Variants in BRINP1 observed in about 807,000 individuals in gnomAD.
BRINP1 encodes BMP/retinoic acid inducible neural specific 1.
BRINP1 carries 17 observed loss-of-function variants against 72.9 expected under a neutral mutation model. The ratio of observed to expected loss-of-function variants is 0.23; its 90% confidence interval spans 0.16 to 0.35. The LOEUF is 0.35. BRINP1 is among the 10% of genes least tolerant of loss of function. The pLI is 1.00. For synonymous variants in BRINP1, 418 were observed against 378.5 expected, an observed-to-expected ratio of 1.10 and a Z score of -1.21; for missense variants, 850 against 1,001.6, an observed-to-expected ratio of 0.85 and a Z score of 2.04.
At chr9:119,256,344 C>T (rs192975606) in intron 2 of BRINP1, among the ~76,000 whole-genome samples, 2 of 152,264 alleles carry the variant, frequency 1.3e-5, no homozygotes, top group Admixed American at 6.5e-5. Flanking sequence ...AGGGAAAGGA[C>T]ACAATCATGC....
chr9:119,168,971 C>A (rs988722764), intron 7 of BRINP1, among the ~76,000 whole-genome samples: 1 of 152,148 alleles, frequency 6.6e-6, no homozygotes, highest in Non-Finnish European at 1.5e-5. Context: ...ACCCAGCAAT[C>A]CCATTATTGG....
chr9:119,251,670 C>T (rs890108024), intron 2 of BRINP1, among the ~76,000 whole-genome samples: 2 of 60,450 alleles, frequency 3.3e-5, no homozygotes, highest in Non-Finnish European at 8.4e-5. Context: ...ATACAGAAAA[C>T]ATTGAGAAGG....
At chr9:119,187,081 C>T (rs573709109) in intron 7 of BRINP1, among the ~76,000 whole-genome samples, 1 of 152,024 alleles carries the variant, frequency 6.6e-6, no homozygotes, top group Non-Finnish European at 1.5e-5. Context: ...ACATCGCTGC[C>T]ATCTGGGCCT....
chr9:119,217,387 T>C (rs1286957757), intron 5 of BRINP1, among the ~76,000 whole-genome samples: 2 of 150,078 alleles, frequency 1.3e-5, no homozygotes, highest in East Asian at 4.0e-4. Flanking sequence ...ACTGAGAAAA[T>C]GAGAGAGAAA....
intron 1 of BRINP1, among the ~76,000 whole-genome samples, chr9:119,325,428 C>T (rs760844530): frequency 6.6e-6 from 1 of 152,176 alleles, no homozygotes; most frequent in Non-Finnish European, 1.5e-5. Flanking sequence ...GCCACTGCTG[C>T]CACAACCATT....
intron 7 of BRINP1, among the ~76,000 whole-genome samples, chr9:119,182,750 G>A (rs183015869): frequency 4.6e-5 from 7 of 152,294 alleles, no homozygotes; most frequent in Admixed American, 3.3e-4. Context: ...GTGCTCCTCA[G>A]TCTTTGTTAT....
At chr9:119,283,071 TAGAAAGAGGA>T in intron 2 of BRINP1, 2 of 985,354 alleles carry the variant, frequency 2.0e-6, no homozygotes, top group South Asian at 9.4e-5. Context: ...TACGGAGAGG[TAGAAAGAGGA>T]CCAGACTAGC....
At chr9:119,326,822 C>T (rs775497371) in intron 1 of BRINP1, among the ~76,000 whole-genome samples, 1 of 152,152 alleles carries the variant, frequency 6.6e-6, no homozygotes, top group Non-Finnish European at 1.5e-5. Context: ...AGACAGGATA[C>T]GTCCAGGGTT....
intron 2 of BRINP1, among the ~76,000 whole-genome samples, chr9:119,261,432 T>G (rs1287562013): frequency 6.6e-6 from 1 of 152,146 alleles, no homozygotes; most frequent in African/African-American, 2.4e-5. Context: ...TGTTTAGGTT[T>G]TTCCAGCTCT....
At chr9:119,187,840 G>A (rs1320310442) in intron 7 of BRINP1, among the ~76,000 whole-genome samples, 1 of 152,028 alleles carries the variant, frequency 6.6e-6, no homozygotes, top group Admixed American at 6.6e-5. Flanking sequence ...TCAAGATCTG[G>A]GAGAAATTCA....
At chr9:119,356,760 G>T (rs181620936) in intron 1 of BRINP1, among the ~76,000 whole-genome samples, 2 of 148,916 alleles carry the variant, frequency 1.3e-5, no homozygotes, top group Non-Finnish European at 3.0e-5. Flanking sequence ...AACCGAGATC[G>T]CACCATTGCA....
At chr9:119,175,849 A>G (rs1829482763) in intron 7 of BRINP1, among the ~76,000 whole-genome samples, 1 of 152,098 alleles carries the variant, frequency 6.6e-6, no homozygotes, top group African/African-American at 2.4e-5. Flanking sequence ...TACCCTGCAC[A>G]GGGTATATTC....
At chr9:119,286,164 AC>A (rs1830758869) in intron 2 of BRINP1, among the ~76,000 whole-genome samples, 1 of 151,980 alleles carries the variant, frequency 6.6e-6, no homozygotes, top group African/African-American at 2.4e-5. Flanking sequence ...ATTACCAGCA[AC>A]TTTTTCCACT....
At chr9:119,235,726 T>C (rs1169688457) in intron 5 of BRINP1, among the ~76,000 whole-genome samples, 1 of 152,202 alleles carries the variant, frequency 6.6e-6, no homozygotes, top group East Asian at 1.9e-4. Flanking sequence ...ATTATATGCC[T>C]GGGGTCTAGT....
chr9:119,215,758 TTCC>T (rs1465055550), intron 5 of BRINP1, among the ~76,000 whole-genome samples: 1 of 152,232 alleles, frequency 6.6e-6, no homozygotes, highest in Admixed American at 6.5e-5. Context: ...AAGAAGATGA[TTCC>T]TCCAGCATGC....
At chr9:119,206,440 A>AAAG (rs1564216855) in intron 7 of BRINP1, among the ~76,000 whole-genome samples, 8 of 141,344 alleles carry the variant, frequency 5.7e-5, no homozygotes, top group South Asian at 2.2e-4. Context: ...AAAAAAAAAA[A>AAAG]AGAGAGAGAG....
chr9:119,167,500 G>A lies in BRINP1; in HGVS notation c.1870C>T (p.Arg624Trp), dbSNP rs369869809. The change falls in exon 8 of 8, where the codon CGG (arginine) becomes TGG (tryptophan). Residue 624 changes from arginine to tryptophan, a missense_variant. By Grantham distance (101) the Arg-to-Trp change is moderately radical (BLOSUM62 -3). Transcript: ENST00000265922. This position sits in a 1 kb window ranked among gnomAD's most constrained non-coding sequence, Gnocchi z 4.3. Reference protein sequence around the residue: ...TVHIYLRSRTRLPTLLRNETG... With the variant: ...TVHIYLRSRTWLPTLLRNETG... ...TCATTTCGCAGTAGGGTAGGTAGCC[G>A]AGTCCGACTACGTAGGTAGATGTGG... 32 of 1,613,998 alleles carry A rather than the reference G, an allele frequency of 2.0e-5. No homozygotes were observed. The highest frequency in any genetic ancestry group is 2.5e-5 in the Non-Finnish European group (29 of 1,180,016).
At chr9:119,266,148 G>C (rs752083304) in intron 2 of BRINP1, among the ~76,000 whole-genome samples, 3 of 152,154 alleles carry the variant, frequency 2.0e-5, no homozygotes, top group Non-Finnish European at 4.4e-5. Flanking sequence ...AGTCACAAGG[G>C]AGGGAGGTCC....
rs756594654 is a variant in BRINP1 at position 119,167,430 on chromosome 9, T to G, written c.1940A>C (p.Gln647Pro). Reference protein sequence around the residue: ...PVDLSDPSKRQFYIKISDVQV... With the variant: ...PVDLSDPSKRPFYIKISDVQV... ...CACGTCTGAGATCTTGATGTAGAAC[T>G]GCCTCTTGGAGGGATCCGACAGGTC... The change falls in exon 8 of 8, where the codon CAG becomes CCG. Residue 647 changes from glutamine to proline, a missense_variant. Gln to Pro is a moderately conservative substitution (Grantham distance 76). Coordinates refer to ENST00000265922, the MANE Select transcript of BRINP1 (RefSeq NM_014618.3). The surrounding 1 kb of genome is among the most constrained non-coding windows in gnomAD (Gnocchi z 4.3). 1 of 1,614,062 alleles carries G rather than the reference T, an allele frequency of 6.2e-7. No homozygotes were observed. The highest frequency in any genetic ancestry group is 8.5e-7 in the Non-Finnish European group (1 of 1,179,974).
Sources: allele counts gnomAD v4.1 joint callset (sites outside exome capture counted in the v4.1 genomes callset), GRCh38; gene constraint gnomAD v4.1.1; non-coding constraint Gnocchi (gnomAD v3.1); transcripts MANE v1.5; gene names NCBI Gene and HGNC (gene_info 2026-07-23, HGNC 2026-07-21).